Variants in GPR37L1 observed in about 807,000 individuals in gnomAD.
GPR37L1 encodes the protein G protein-coupled receptor 37 like 1, also known as G protein-coupled receptor 37-like 1.
In GPR37L1, 18 loss-of-function variants were observed where a neutral mutation model predicts 18.0. The observed-to-expected ratio is 1.00, with a 90% CI of 0.69 to 1.49. GPR37L1 has a LOEUF of 1.49. Ranked by LOEUF, GPR37L1 falls within the 40% of genes most tolerant of loss-of-function variation. The pLI, the probability that GPR37L1 is intolerant of heterozygous loss-of-function variation, is 0.00. For synonymous variants in GPR37L1, 256 were observed against 273.9 expected (o/e 0.93, Z 0.65); for missense variants, 558 against 615.1 (o/e 0.91, Z 0.98).
rs112801077 is a variant in GPR37L1, at chr1:202,131,599, G to GT, written c.*3053dup. 7.0e-3 allele frequency: 1,046 copies of GT among 149,294 alleles called. 7 individuals are homozygous for GT. Among genetic ancestry groups the GT allele is most frequent in the African/African-American group, 0.015 (595 of 40,824 alleles). The allele number at this position is 149,294 out of a possible 1,614,324, so 9.2% of individuals were successfully genotyped here. ...CATTCAACTTTAATAGGTTATGTGT[G>GT]TTTTTTTTTTCTTAAGAGCTGGGTG... is the stretch of plus-strand genomic sequence containing the variant. On this transcript the variant is annotated 3_prime_UTR_variant, in exon 2 of 2. Coordinates refer to ENST00000367282, the MANE Select transcript of GPR37L1 (RefSeq NM_004767.5).
chr1:202,127,998 G>C lies in GPR37L1; in HGVS notation c.888G>C (p.Glu296Asp). The change falls in exon 2 of 2, where the codon GAG becomes GAC. Residue 296 changes from glutamate (E) to aspartate (D), a missense_variant. Transcript: ENST00000367282. ...CIMKPSASLPESLYSLVMTYQ... is the reference protein window; with the variant it reads ...CIMKPSASLPDSLYSLVMTYQ... ...TGAAACCCTCAGCCAGCCTGCCCGA[G>C]TCCCTGTATTCACTGGTGATGACCT... is the stretch of plus-strand genomic sequence containing the variant. The C allele has an allele frequency of 6.2e-7, 1 of 1,614,118 alleles. No individual in the cohort carries two copies. The highest frequency in any genetic ancestry group is 8.5e-7 in the Non-Finnish European group (1 of 1,180,018).
At position 202,128,729 on chromosome 1, in the gene GPR37L1, T is replaced by G; in HGVS notation, c.*173T>G. 1 of 587,724 alleles carries G rather than the reference T, an allele frequency of 1.7e-6. No individual in the cohort carries two copies. Among genetic ancestry groups the G allele is most frequent in the Non-Finnish European group, 3.0e-6 (1 of 330,104 alleles). The allele number at this position is 587,724 out of a possible 1,614,324, so 36.4% of individuals were successfully genotyped here. Reference sequence around the variant, plus strand: ...CCCTCCCCACACAGGGCCTTTCCTGTCCCTTGTGGGGCCTTCCAACCCTGT... The same window carrying G: ...CCCTCCCCACACAGGGCCTTTCCTGGCCCTTGTGGGGCCTTCCAACCCTGT... On this transcript the variant is annotated 3_prime_UTR_variant, in exon 2 of 2. Coordinates refer to ENST00000367282, the MANE Select transcript of GPR37L1 (RefSeq NM_004767.5).
intron 1 of GPR37L1, among the ~76,000 whole-genome samples, chr1:202,126,338 G>A (rs140109198): frequency 0.031 from 4,785 of 152,050 alleles, 255 homozygotes; most frequent in African/African-American, 0.11. Flanking sequence ...AACCCGGGAG[G>A]TGGAGGTTGC....
At position 202,128,288 on chromosome 1, in the gene GPR37L1, C is replaced by T. The variant is rs151200634; in HGVS notation, c.1178C>T (p.Thr393Ile). The change falls in exon 2 of 2, where the codon ACC becomes ATC. Residue 393 changes from threonine (T) to isoleucine (I), a missense_variant. Coordinates refer to ENST00000367282, the MANE Select transcript of GPR37L1 (RefSeq NM_004767.5). Reference protein sequence around the residue: ...AYLSTELTRQTLDLLGLINQF... With the variant: ...AYLSTELTRQILDLLGLINQF... ...CTCTCCACCGAGCTGACCCGCCAGA[C>T]CCTGGACCTCCTGGGCCTCATCAAC... 38 of 1,613,990 alleles carry T rather than the reference C, an allele frequency of 2.4e-5. No individual in the cohort carries two copies. The African/African-American group carries it at 4.8e-4, about 20-fold the overall frequency.
chr1:202,125,701 G>A (rs1184285213), intron 1 of GPR37L1, among the ~76,000 whole-genome samples: 1 of 152,056 alleles, frequency 6.6e-6, no homozygotes. Flanking sequence ...TTGAGACAGA[G>A]TCTCACTCTG....
Position 202,128,543 on chromosome 1 carries a change from G to A in GPR37L1, c.1433G>A (p.Gly478Asp). Residue 478 changes from glycine to aspartate, a missense_variant, in exon 2 of 2, where the codon GGC (glycine) becomes GAC (aspartate). Gly to Asp is a moderately conservative substitution (Grantham distance 94). Coordinates refer to ENST00000367282, the MANE Select transcript of GPR37L1 (RefSeq NM_004767.5). Reference protein sequence around the residue: ...PRESPPLLPLGTPC With the variant: ...PRESPPLLPLDTPC ...GAGTCACCCCCACTCCTGCCCCTGGGCACACCTTGCTGAGGCCCCAGTAGG... is the reference window on the plus strand; with the variant it reads ...GAGTCACCCCCACTCCTGCCCCTGGACACACCTTGCTGAGGCCCCAGTAGG... 2.0e-6 allele frequency: 3 copies of A among 1,498,618 alleles called. No homozygotes were observed. The highest frequency in any genetic ancestry group is 2.4e-5 in the East Asian group (1 of 42,068). The allele number at this position is 1,498,618 out of a possible 1,614,324, so 92.8% of individuals were successfully genotyped here. A position where few individuals can be genotyped will look rare whatever the true frequency, so the allele number is the denominator to read the frequency against.
In GPR37L1 at chr1:202,128,579, G is replaced by A. The variant is rs923371109; in HGVS notation, c.*23G>A. 5.0e-6 allele frequency: 6 copies of A among 1,196,652 alleles called. No individual in the cohort carries two copies. Among genetic ancestry groups the A allele is most frequent in the Non-Finnish European group, 7.1e-6 (6 of 844,532 alleles). 74.1% of individuals were successfully genotyped at this position (1,196,652 alleles called of 1,614,324 possible). A position where few individuals can be genotyped will look rare whatever the true frequency, so the allele number is the denominator to read the frequency against. Reference sequence around the variant, plus strand: ...TGAGGCCCCAGTAGGGGTGGGGAGGGAGGGAGAGGCCGCCACCCCCGCCGG... The same window carrying A: ...TGAGGCCCCAGTAGGGGTGGGGAGGAAGGGAGAGGCCGCCACCCCCGCCGG... On this transcript the variant is annotated 3_prime_UTR_variant, in exon 2 of 2. Coordinates refer to ENST00000367282, the MANE Select transcript of GPR37L1 (RefSeq NM_004767.5).
chr1:202,126,838 C>CGTAT (rs1553315421), intron 1 of GPR37L1, among the ~76,000 whole-genome samples: 1 of 146,352 alleles, frequency 6.8e-6, no homozygotes, highest in Non-Finnish European at 1.5e-5. Context: ...CAGAAACGTG[C>CGTAT]GTGTGTGTGT....
At position 202,133,055 on chromosome 1, in the gene GPR37L1, G is replaced by C. The variant is rs1455056143; in HGVS notation, c.*4499G>C. The C allele has an allele frequency of 1.3e-5, 2 of 152,504 alleles. No homozygotes were observed. The highest frequency in any genetic ancestry group is 4.8e-5 in the African/African-American group (2 of 41,444). 9.4% of individuals were successfully genotyped at this position (152,504 alleles called of 1,614,324 possible). On this transcript the variant is annotated 3_prime_UTR_variant, in exon 2 of 2. Transcript: ENST00000367282. Reference sequence around the variant, plus strand: ...CTGAGGCCTGAACTGGGCCTAAGGAGAGTGCAGCTCAGTTCGCACACAACA... The same window carrying C: ...CTGAGGCCTGAACTGGGCCTAAGGACAGTGCAGCTCAGTTCGCACACAACA...
rs746015314 is a variant in GPR37L1, at chr1:202,128,544, C to A, written c.1434C>A (p.Gly478=). 5.2e-6 allele frequency: 8 copies of A among 1,525,614 alleles called. No individual in the cohort carries two copies. Among genetic ancestry groups the A allele is most frequent in the Admixed American group, 1.8e-5 (1 of 56,002 alleles). 94.5% of individuals were successfully genotyped at this position (1,525,614 alleles called of 1,614,324 possible). ...AGTCACCCCCACTCCTGCCCCTGGG[C>A]ACACCTTGCTGAGGCCCCAGTAGGG... is the stretch of plus-strand genomic sequence containing the variant. ...PRESPPLLPL[G]TPC Residue 478 remains glycine, a synonymous_variant, in exon 2 of 2, where the codon GGC becomes GGA. Coordinates refer to ENST00000367282, the MANE Select transcript of GPR37L1 (RefSeq NM_004767.5).
rs186228849 is a variant in GPR37L1 at position 202,127,472 on chromosome 1, G to A, written c.631-269G>A. ...TGGGACCACAGGCGTGCCTCACCAC[G>A]ACAGGCTATTTTTTTGTATTTTTAG... On this transcript the variant is annotated intron_variant, in intron 1 of 1. Transcript: ENST00000367282. Among the ~76,000 whole-genome samples, 301 of 152,024 alleles carry A rather than the reference G, an allele frequency of 2.0e-3. 3 individuals are homozygous for A. The South Asian group carries it at 0.033, about 16-fold the overall frequency.
Position 202,130,084 on chromosome 1 carries a change from A to C in GPR37L1, c.*1528A>C, listed in dbSNP as rs1654796048. ...CTTCTCCTGTGGGGTCTTGCCCTTG[A>C]AGTGCCACTTCCCCCAGCCCCACCT... On this transcript the variant is annotated 3_prime_UTR_variant, in exon 2 of 2. Coordinates refer to ENST00000367282, the MANE Select transcript of GPR37L1 (RefSeq NM_004767.5). 6.6e-6 allele frequency: 1 copy of C among 151,836 alleles called. No homozygotes were observed. The highest frequency in any genetic ancestry group is 1.5e-5 in the Non-Finnish European group (1 of 68,088). The allele number at this position is 151,836 out of a possible 1,614,324, so 9.4% of individuals were successfully genotyped here. A position where few individuals can be genotyped will look rare whatever the true frequency, so the allele number is the denominator to read the frequency against.
chr1:202,126,838 C>CGTGTGTGTGTGTGTGTGTGT (rs111909066), intron 1 of GPR37L1, among the ~76,000 whole-genome samples: 16 of 146,450 alleles, frequency 1.1e-4, no homozygotes, highest in Admixed American at 2.7e-4. Context: ...CAGAAACGTG[C>CGTGTGTGTGTGTGTGTGTGT]GTGTGTGTGT....
Position 202,131,776 on chromosome 1 carries a change from C to T in GPR37L1, c.*3220C>T, listed in dbSNP as rs1654862814. On this transcript the variant is annotated 3_prime_UTR_variant, in exon 2 of 2. Transcript: ENST00000367282. ...TTTTTGAGACAAGATCCCACTCAGT[C>T]ACTCAAGCTGAGTGCTGTGGTGTGA... is the stretch of plus-strand genomic sequence containing the variant. 3 of 151,724 alleles carry T rather than the reference C, an allele frequency of 2.0e-5. No homozygotes were observed. Among genetic ancestry groups the T allele is most frequent in the African/African-American group, 7.3e-5 (3 of 41,266 alleles). The allele number at this position is 151,724 out of a possible 1,614,324, so 9.4% of individuals were successfully genotyped here.
intron 1 of GPR37L1, among the ~76,000 whole-genome samples, chr1:202,124,729 G>C (rs901016162): frequency 2.0e-5 from 3 of 152,120 alleles, no homozygotes; most frequent in African/African-American, 7.2e-5. Flanking sequence ...CCTATTCCAA[G>C]GTCTGTCCCC....
rs776830420 is a variant in GPR37L1 at position 202,123,453 on chromosome 1, G to T, written c.490G>T (p.Ala164Ser). 13 of 1,614,114 alleles carry T rather than the reference G, an allele frequency of 8.1e-6. No homozygotes were observed. The highest frequency in any genetic ancestry group is 1.7e-5 in the Admixed American group (1 of 60,010). ...IVWHSYYLKS[A>S]WNSILASLAL... ...GTGGCACAGCTACTACCTGAAGAGT[G>T]CCTGGAACTCCATCCTTGCCAGCCT... The change falls in exon 1 of 2, where the codon GCC becomes TCC. Residue 164 changes from alanine to serine, a missense_variant. Physicochemically the swap from Ala to Ser is moderately conservative, Grantham distance 99. Coordinates refer to ENST00000367282, the MANE Select transcript of GPR37L1 (RefSeq NM_004767.5).
rs780105142 is a variant in GPR37L1 at position 202,127,723 on chromosome 1, C to T, written c.631-18C>T. ...TTTTGACCAAGTGCTTCTCTCTTCC[C>T]TCACATCCTGCCCACAGGTCTCCTC... On this transcript the variant is annotated intron_variant, in intron 1 of 1. Coordinates refer to ENST00000367282, the MANE Select transcript of GPR37L1 (RefSeq NM_004767.5). 9.2e-6 allele frequency: 14 copies of T among 1,523,256 alleles called. No individual in the cohort carries two copies. Among genetic ancestry groups the T allele is most frequent in the South Asian group, 1.3e-5 (1 of 77,480 alleles). The allele number at this position is 1,523,256 out of a possible 1,614,324, so 94.4% of individuals were successfully genotyped here.
chr1:202,127,822 A>C lies in GPR37L1; in HGVS notation c.712A>C (p.Lys238Gln). The change falls in exon 2 of 2, where the codon AAG (lysine) becomes CAG (glutamine). Residue 238 changes from lysine (K) to glutamine (Q), a missense_variant. Coordinates refer to ENST00000367282, the MANE Select transcript of GPR37L1 (RefSeq NM_004767.5). ...RFHVATSTLP[K>Q]VRPIERCQSI... ...CCACGTGGCCACCAGCACCCTGCCCAAGGTGAGGCCCATCGAGCGGTGCCA... is the reference window on the plus strand; with the variant it reads ...CCACGTGGCCACCAGCACCCTGCCCCAGGTGAGGCCCATCGAGCGGTGCCA... 1 of 1,613,580 alleles carries C rather than the reference A, an allele frequency of 6.2e-7. No homozygotes were observed. Among genetic ancestry groups the C allele is most frequent in the South Asian group, 1.1e-5 (1 of 91,040 alleles).
rs1246394879 is a variant in GPR37L1 at position 202,129,817 on chromosome 1, A to G, written c.*1261A>G. 1 of 152,354 alleles carries G rather than the reference A, an allele frequency of 6.6e-6. No homozygotes were observed. Among genetic ancestry groups the G allele is most frequent in the Non-Finnish European group, 1.5e-5 (1 of 68,168 alleles). The allele number at this position is 152,354 out of a possible 1,614,324, so 9.4% of individuals were successfully genotyped here. A position where few individuals can be genotyped will look rare whatever the true frequency, so the allele number is the denominator to read the frequency against. ...GGAAAATATCTCCTCTGGAGCCTTC[A>G]TCTCTGCTATGCCCTCTCTCCACAA... On this transcript the variant is annotated 3_prime_UTR_variant, in exon 2 of 2. Coordinates refer to ENST00000367282, the MANE Select transcript of GPR37L1 (RefSeq NM_004767.5).
Sources: gnomAD v4.1 joint callset for allele counts (sites outside exome capture counted in the v4.1 genomes callset) on GRCh38, gnomAD v4.1.1 for gene constraint, MANE v1.5 for transcripts, NCBI Gene and HGNC (gene_info 2026-07-23, HGNC 2026-07-21) for gene names.